SCARA3: variants seen among roughly 807,000 people sequenced by gnomAD.
SCARA3 encodes scavenger receptor class A member 3.
A neutral mutation model predicts 47.0 loss-of-function variants in SCARA3; 39 were observed. The ratio of observed to expected loss-of-function variants is 0.83; its 90% CI spans 0.64 to 1.08. The LOEUF (loss-of-function observed/expected upper bound fraction) is 1.08, where lower values mean the gene tolerates loss of function less well. Among genes scored for constraint, SCARA3 ranks in the 50% least tolerant of loss-of-function variants. The probability of loss-of-function intolerance (pLI) is 0.00; values close to 1 mark genes in which losing one functional copy is unlikely to be tolerated. For missense variants in SCARA3, 724 were observed against 792.3 expected, an observed-to-expected ratio of 0.91 and a Z score of 1.04; for synonymous variants, 356 against 334.1, an observed-to-expected ratio of 1.07 and a Z score of -0.71.
chr8:27,721,459 T>C, the SCARA3 span, among the ~76,000 whole-genome samples: 1 of 152,252 alleles, frequency 6.6e-6, no homozygotes, highest in South Asian at 2.1e-4. Flanking sequence ...GGTAGATAAA[T>C]GTCATGGATA....
chr8:27,729,792 T>G, the SCARA3 span, among the ~76,000 whole-genome samples: 2 of 151,170 alleles, frequency 1.3e-5, no homozygotes, highest in African/African-American at 4.9e-5. Flanking sequence ...CCATCTCCAA[T>G]TTAAAAAAAT....
At chr8:27,680,412 C>T (rs1189894188), downstream of SCARA3, among the ~76,000 whole-genome samples, 1 of 151,946 alleles carries the variant, frequency 6.6e-6, no homozygotes. Flanking sequence ...TGAAGGGTAA[C>T]AAAGAAACAT....
At chr8:27,685,456 A>G in the SCARA3 span, among the ~76,000 whole-genome samples, 4 of 152,242 alleles carry the variant, frequency 2.6e-5, no homozygotes, top group Non-Finnish European at 5.9e-5. Flanking sequence ...AACTTAATTT[A>G]TAAGAACAGA....
the SCARA3 span, among the ~76,000 whole-genome samples, chr8:27,727,563 G>A: frequency 6.6e-6 from 1 of 152,192 alleles, no homozygotes; most frequent in African/African-American, 2.4e-5. Flanking sequence ...AGATGATGAG[G>A]ACTGGAGAAG....
At chr8:27,706,953 C>G in the SCARA3 span, among the ~76,000 whole-genome samples, 1 of 152,046 alleles carries the variant, frequency 6.6e-6, no homozygotes, top group Non-Finnish European at 1.5e-5. Context: ...TGGAAAGCCA[C>G]CTATCTTCAG....
chr8:27,665,114 G>A (rs1161322275), intron 5 of SCARA3, among the ~76,000 whole-genome samples: 1 of 152,226 alleles, frequency 6.6e-6, no homozygotes, highest in Non-Finnish European at 1.5e-5. Flanking sequence ...AGGGATTGCA[G>A]CGGCTGGAGC....
the SCARA3 span, among the ~76,000 whole-genome samples, chr8:27,718,735 T>C: frequency 6.6e-6 from 1 of 152,254 alleles, no homozygotes; most frequent in South Asian, 2.1e-4. Context: ...CCATTAGGAC[T>C]AATCAGAATT....
chr8:27,673,546 T>C (rs34847340), downstream of SCARA3, among the ~76,000 whole-genome samples: 2 of 151,912 alleles, frequency 1.3e-5, no homozygotes, highest in Admixed American at 1.3e-4. Flanking sequence ...TTTTTTGGAG[T>C]TTTTTTGGTG....
At position 27,671,461 on chromosome 8, in the gene SCARA3, AG is replaced by A; in HGVS notation, c.*115del. On this transcript the variant is annotated 3_prime_UTR_variant, in exon 6 of 6. Transcript: ENST00000301904. ...CAGCTGTGGTCCTCTGATTCCAATG[AG>A]GGGGCTCCCCAGGGCTGACCCTGCA... The A allele has an allele frequency of 7.6e-7, 1 of 1,319,566 alleles. No individual in the cohort carries two copies. Among genetic ancestry groups the A allele is most frequent in the Non-Finnish European group, 9.6e-7 (1 of 1,040,268 alleles). 81.7% of individuals were successfully genotyped at this position (1,319,566 alleles called of 1,614,324 possible). A position where few individuals can be genotyped will look rare whatever the true frequency, so the allele number is the denominator to read the frequency against.
chr8:27,644,359 A>T (rs1290635778), intron 1 of SCARA3, among the ~76,000 whole-genome samples: 1 of 152,140 alleles, frequency 6.6e-6, no homozygotes. Context: ...CTTCTTTATG[A>T]CAGGGACCAT....
intron 3 of SCARA3, among the ~76,000 whole-genome samples, chr8:27,655,902 G>A (rs1408919318): frequency 6.6e-6 from 1 of 152,178 alleles, no homozygotes; most frequent in Non-Finnish European, 1.5e-5. Flanking sequence ...CAGATGAGAT[G>A]TTCAGAACAT....
At chr8:27,700,114 T>C in the SCARA3 span, among the ~76,000 whole-genome samples, 3 of 152,114 alleles carry the variant, frequency 2.0e-5, no homozygotes, top group Non-Finnish European at 4.4e-5. Flanking sequence ...TTAAGAAATA[T>C]GGTCATGAAA....
chr8:27,698,527 A>G, the SCARA3 span, among the ~76,000 whole-genome samples: 1 of 152,224 alleles, frequency 6.6e-6, no homozygotes, highest in Admixed American at 6.5e-5. Context: ...CCCCAACGAA[A>G]TAAGACAAAC....
chr8:27,671,623 T>C lies in SCARA3; in HGVS notation c.*272T>C, dbSNP rs748868796. On this transcript the variant is annotated 3_prime_UTR_variant, in exon 6 of 6. Coordinates refer to ENST00000301904, the MANE Select transcript of SCARA3 (RefSeq NM_016240.3). ...GCACACATACACATGCATGCACACA[T>C]ACACAGGCATACATGCATGCACACA... 61 of 1,157,048 alleles carry C rather than the reference T, an allele frequency of 5.3e-5. No individual in the cohort carries two copies. The highest frequency in any genetic ancestry group is 3.3e-4 in the Middle Eastern group (1 of 3,004). The allele number at this position is 1,157,048 out of a possible 1,614,324, so 71.7% of individuals were successfully genotyped here.
At chr8:27,635,620 G>A (rs537771930) in intron 1 of SCARA3, among the ~76,000 whole-genome samples, 1 of 51,492 alleles carries the variant, frequency 1.9e-5, no homozygotes, top group Admixed American at 3.6e-4. Flanking sequence ...ACCATGCATG[G>A]ATTTTTTTTT....
At chr8:27,732,562 G>A in the SCARA3 span, among the ~76,000 whole-genome samples, 3 of 152,326 alleles carry the variant, frequency 2.0e-5, no homozygotes, top group East Asian at 5.8e-4. Flanking sequence ...TTAAAAGATG[G>A]CATTGGGTAG....
At chr8:27,687,283 C>G in the SCARA3 span, among the ~76,000 whole-genome samples, 1 of 152,122 alleles carries the variant, frequency 6.6e-6, no homozygotes, top group African/African-American at 2.4e-5. Context: ...AGAGAAGACC[C>G]TACCTCAGAA....
the SCARA3 span, among the ~76,000 whole-genome samples, chr8:27,725,371 AATATTTATATTATATTT>A: frequency 4.7e-5 from 7 of 149,664 alleles, no homozygotes; most frequent in African/African-American, 1.7e-4. Flanking sequence ...TATAACATAT[AATATTTATATTATATTT>A]ATATTTATAT....
chr8:27,670,790 C>T, intron 5 of SCARA3, 110 bp from the exon 6 acceptor site: 1 of 830,954 alleles, frequency 1.2e-6, no homozygotes, highest in Non-Finnish European at 1.9e-6. Flanking sequence ...TGAGTGTCCG[C>T]TGGACTTGTT....
Sources: gnomAD v4.1 joint callset for allele counts (sites outside exome capture counted in the v4.1 genomes callset) on GRCh38, gnomAD v4.1.1 for gene constraint, MANE v1.5 for transcripts, NCBI Gene and HGNC (gene_info 2026-07-23, HGNC 2026-07-21) for gene names.